Variants in ERCC1 observed in about 807,000 individuals in gnomAD.
ERCC1 encodes the protein ERCC excision repair 1, endonuclease non-catalytic subunit, also known as DNA excision repair protein ERCC-1.
ERCC1 carries 36 observed loss-of-function variants against 37.6 expected under a neutral mutation model. The observed-to-expected ratio is 0.96, with a 90% confidence interval of 0.73 to 1.26. The LOEUF (loss-of-function observed/expected upper bound fraction) is 1.26, where lower values mean the gene tolerates loss of function less well. ERCC1 is among the 50% of genes most tolerant of loss of function. ERCC1 has a pLI of 0.00. For missense variants in ERCC1, 349 were observed against 376.5 expected (o/e 0.93, Z 0.60); for synonymous variants, 156 against 162.1 (o/e 0.96, Z 0.28).
chr19:45,409,491 A>T lies in ERCC1; in HGVS notation c.*184T>A, dbSNP rs1406995672. The T allele has an allele frequency of 6.2e-6, 10 of 1,607,710 alleles. No individual in the cohort carries two copies. Among genetic ancestry groups the T allele is most frequent in the Non-Finnish European group, 7.6e-6 (9 of 1,177,728 alleles). The stretch of plus-strand genomic sequence containing the variant: ...AAGAAGCGGAAGCAGCAGCAGCAGC[A>T]GCCTGTGTAGTCTGCCCCCGGGAAA... On this transcript the variant is annotated 3_prime_UTR_variant, in exon 10 of 10. Coordinates refer to ENST00000300853, the MANE Select transcript of ERCC1 (RefSeq NM_001983.4).
At chr19:45,425,076 C>A (rs1243503184), upstream of ERCC1, among the ~76,000 whole-genome samples, 1 of 135,670 alleles carries the variant, frequency 7.4e-6, no homozygotes, top group Non-Finnish European at 1.5e-5. Flanking sequence ...CCACCATGCC[C>A]GGCTAATTTT....
rs1211707912 is a variant in ERCC1, at chr19:45,432,285, TA to T, written c.-7-8905del. ...ACGCCTGGCCAACACAAAATTAATT[TA>T]TTATTATTATTATTATTATTATTAT... On this transcript the variant is annotated intron_variant, in intron 1 of 8. Coordinates refer to the ERCC1 transcript ENST00000423698. Among the ~76,000 whole-genome samples, 344 of 39,310 alleles carry T rather than the reference TA, an allele frequency of 8.8e-3. 2 individuals carry two copies. The African/African-American group carries it at 0.11, about 12-fold the overall frequency. 25.8% of individuals were successfully genotyped at this position (39,310 alleles called of 152,430 possible). A position where few individuals can be genotyped will look rare whatever the true frequency, so the allele number is the denominator to read the frequency against.
At chr19:45,422,845 C>T (rs1974522620) in intron 2 of ERCC1, among the ~76,000 whole-genome samples, 1 of 152,184 alleles carries the variant, frequency 6.6e-6, no homozygotes, top group Non-Finnish European at 1.5e-5. Flanking sequence ...TCCTTTTCTT[C>T]ATAGCCAATG....
chr19:45,421,633 ATTT>A (rs148317782), intron 2 of ERCC1, among the ~76,000 whole-genome samples: 3 of 131,288 alleles, frequency 2.3e-5, no homozygotes, highest in African/African-American at 5.8e-5. Context: ...CGCCCAGCTA[ATTT>A]TTTTTTTTTT....
rs1482380154 is a variant in ERCC1 at position 45,420,566 on chromosome 19, C to A, written c.322-139G>T. 1.3e-5 allele frequency: 9 copies of A among 689,434 alleles called. No homozygotes were observed. The East Asian group carries it at 2.4e-4, about 19-fold the overall frequency. The allele number at this position is 689,434 out of a possible 1,614,324, so 42.7% of individuals were successfully genotyped here. On this transcript the variant is annotated intron_variant, in intron 3 of 9. Coordinates refer to ENST00000300853, the MANE Select transcript of ERCC1 (RefSeq NM_001983.4). This position sits in a 1 kb window ranked among gnomAD's most constrained non-coding sequence, Gnocchi z 4.8. ...CTGCCTCCTCGCACCTCTTCCCACA[C>A]CTCCTCCCTCCTCCCACCTGTGGCA...
intron 1 of ERCC1, among the ~76,000 whole-genome samples, chr19:45,451,361 G>T (rs62109570): frequency 0.075 from 11,367 of 152,028 alleles, 734 homozygotes; most frequent in East Asian, 0.21. Context: ...GCATTGTTGC[G>T]GTTGGGGTCC....
At chr19:45,411,843 T>G (rs1973757142) in intron 9 of ERCC1, among the ~76,000 whole-genome samples, 1 of 141,976 alleles carries the variant, frequency 7.0e-6, no homozygotes, top group African/African-American at 2.8e-5. Context: ...TATCTCATTA[T>G]AGTTTATTTT....
At chr19:45,410,596 T>TGTGTGTGTGTGTGTGTGTGTGTGTGG (rs896460788) in intron 9 of ERCC1, 1 of 151,610 alleles carries the variant, frequency 6.6e-6, no homozygotes, top group African/African-American at 2.4e-5. Flanking sequence ...TGTGTGTGTG[T>TGTGTGTGTGTGTGTGTGTGTGTGTGG]GGTACCCATT....
At position 45,414,879 on chromosome 19, in the gene ERCC1, C is replaced by T. The variant is rs1435530386; in HGVS notation, c.684G>A (p.Glu228=). Residue 228 remains glutamate (E), a synonymous_variant, in exon 7 of 10, where the codon GAG becomes GAA. Coordinates refer to ENST00000300853, the MANE Select transcript of ERCC1 (RefSeq NM_001983.4). ...GCCTCACCCGGGAGACGAAGTCCTG[C>T]TCTAGCTTCTCCATCAGGAGGTCCG... is the stretch of plus-strand genomic sequence containing the variant. ...KPADLLMEKL[E]QDFVSRVTEC... 1.2e-6 allele frequency: 2 copies of T among 1,613,340 alleles called. No homozygotes were observed. The highest frequency in any genetic ancestry group is 2.7e-5 in the African/African-American group (2 of 74,896).
chr19:45,409,893 T>C (rs866904773), intron 9 of ERCC1, 168 bp from the exon 10 acceptor site: 1 of 194,334 alleles, frequency 5.1e-6, no homozygotes, highest in South Asian at 2.3e-4. Flanking sequence ...ATTATTATTA[T>C]TATTTTTTTT....
Position 45,414,720 on chromosome 19 carries a change from C to G in ERCC1, c.702+141G>C, listed in dbSNP as rs1599816830. 1.0e-5 allele frequency: 7 copies of G among 670,694 alleles called. No individual in the cohort carries two copies. In the East Asian group the frequency reaches 1.9e-4, roughly 19 times the overall value. 41.5% of individuals were successfully genotyped at this position (670,694 alleles called of 1,614,324 possible). On this transcript the variant is annotated intron_variant, in intron 7 of 9. Transcript: ENST00000300853. The stretch of plus-strand genomic sequence containing the variant: ...CAGATTTGTGCTCAGGAAAACCCCT[C>G]TAGCTGCAGTTTCGGTGGGATGGGC...
chr19:45,439,333 G>A (rs1279442318), intron 1 of ERCC1, among the ~76,000 whole-genome samples: 1 of 152,052 alleles, frequency 6.6e-6, no homozygotes, highest in African/African-American at 2.4e-5. Context: ...GTTCCTCTCC[G>A]GACCTCAGTT....
intron 6 of ERCC1, among the ~76,000 whole-genome samples, chr19:45,416,180 C>T (rs991038613): frequency 7.9e-5 from 12 of 152,122 alleles, no homozygotes; most frequent in Non-Finnish European, 1.8e-4. Flanking sequence ...CTTTGAAGAT[C>T]AGAGAATACT....
intron 9 of ERCC1, among the ~76,000 whole-genome samples, chr19:45,411,296 T>TG (rs1173212633): frequency 6.6e-6 from 1 of 152,194 alleles, no homozygotes; most frequent in Non-Finnish European, 1.5e-5. Flanking sequence ...TTCCTTTTTT[T>TG]GGGGATATAC....
chr19:45,436,422 C>T lies in ERCC1; in HGVS notation c.-7-13041G>A, dbSNP rs192721571. ...CGGGCGGATCACGAGGTCAAGAGAT[C>T]GAGACTATCCTGGTCAACATGGTGA... On this transcript the variant is annotated intron_variant, in intron 1 of 8. Transcript: ENST00000423698. 3.8e-4 allele frequency among the ~76,000 whole-genome samples: 58 copies of T among 151,982 alleles called. 1 individual carries two copies. The highest frequency in any genetic ancestry group is 1.4e-3 in the African/African-American group (58 of 41,466).
At chr19:45,424,674 G>T (rs1443095597), upstream of ERCC1, among the ~76,000 whole-genome samples, 1 of 152,178 alleles carries the variant, frequency 6.6e-6, no homozygotes, top group Non-Finnish European at 1.5e-5. Context: ...AAAATGGGTT[G>T]TATGGCTTTT....
intron 1 of ERCC1, chr19:45,449,025 A>C (rs1455369868): frequency 1.3e-5 from 2 of 152,228 alleles, no homozygotes; most frequent in African/African-American, 2.4e-5. Context: ...CCTGTGAGTC[A>C]TGCGGCAGAC....
At chr19:45,431,156 T>C (rs1224093394) in intron 1 of ERCC1, among the ~76,000 whole-genome samples, 3 of 152,198 alleles carry the variant, frequency 2.0e-5, no homozygotes, top group South Asian at 4.1e-4. Flanking sequence ...GGTTTCACCA[T>C]ATCAGCCAGT....
chr19:45,442,006 A>G (rs1319993534), intron 1 of ERCC1, among the ~76,000 whole-genome samples: 1 of 146,644 alleles, frequency 6.8e-6, no homozygotes, highest in Non-Finnish European at 1.5e-5. Context: ...TATTTTTTTT[A>G]ATTTTGAAAA....
Sources: allele counts gnomAD v4.1 joint callset (sites outside exome capture counted in the v4.1 genomes callset), GRCh38; gene constraint gnomAD v4.1.1; non-coding constraint Gnocchi (gnomAD v3.1); transcripts MANE v1.5; gene names NCBI Gene and HGNC (gene_info 2026-07-23, HGNC 2026-07-21).